Variants in PARD6G observed in about 807,000 individuals in gnomAD.
The protein encoded by PARD6G is partitioning defective 6 homolog gamma.
A neutral mutation model predicts 10.7 loss-of-function variants in PARD6G; 7 were observed. That is an observed-to-expected ratio of 0.66 (90% confidence interval 0.37 to 1.23). The LOEUF (loss-of-function observed/expected upper bound fraction) is 1.23, where lower values mean the gene tolerates loss of function less well. PARD6G is among the 50% of genes most tolerant of loss of function. PARD6G has a pLI of 0.02. For missense variants in PARD6G, 548 were observed against 571.8 expected (o/e 0.96, Z 0.42); for synonymous variants, 287 against 269.4 (o/e 1.07, Z -0.64).
intron 1 of PARD6G, among the ~76,000 whole-genome samples, chr18:80,215,834 A>G (rs780498875): frequency 6.6e-6 from 1 of 152,144 alleles, no homozygotes; most frequent in Non-Finnish European, 1.5e-5. Flanking sequence ...AATGGATTAA[A>G]ACACAAAACA....
chr18:80,165,582 T>A (rs2052730362), intron 2 of PARD6G, among the ~76,000 whole-genome samples: 1 of 152,012 alleles, frequency 6.6e-6, no homozygotes, highest in Admixed American at 6.6e-5. Flanking sequence ...CATAAGAAAT[T>A]ATAAAAGTAT....
At position 80,157,964 on chromosome 18, in the gene PARD6G, G is replaced by C. The variant is rs545399415; in HGVS notation, c.*1807C>G. The C allele has an allele frequency of 1.3e-5, 2 of 152,390 alleles. No individual in the cohort carries two copies. The highest frequency in any genetic ancestry group is 4.1e-4 in the South Asian group (2 of 4,822). The allele number at this position is 152,390 out of a possible 1,614,324, so 9.4% of individuals were successfully genotyped here. On this transcript the variant is annotated 3_prime_UTR_variant, in exon 3 of 3. Transcript: ENST00000353265. ...TGGACCACAAGGAGAAGCAGCGGGA[G>C]GTACGCAGCTCCGACAACCTAGAAA...
In PARD6G at chr18:80,247,201, G is replaced by T; in HGVS notation, c.72+76C>A. The T allele has an allele frequency of 8.0e-7, 1 of 1,247,474 alleles. No homozygotes were observed. The highest frequency in any genetic ancestry group is 1.1e-6 in the Non-Finnish European group (1 of 900,302). 77.3% of individuals were successfully genotyped at this position (1,247,474 alleles called of 1,614,324 possible). On this transcript the variant is annotated intron_variant, in intron 1 of 2. Transcript: ENST00000353265. The surrounding 1 kb of genome is among the most constrained non-coding windows in gnomAD (Gnocchi z 4.2). ...CGCCTGTCGCCTCCACGCCGCCCCAGTCCCCCTCCGCGGGGCGCCCCATTC... is the reference window on the plus strand; with the variant it reads ...CGCCTGTCGCCTCCACGCCGCCCCATTCCCCCTCCGCGGGGCGCCCCATTC...
intron 1 of PARD6G, among the ~76,000 whole-genome samples, chr18:80,225,863 G>A (rs1568441973): frequency 6.6e-6 from 1 of 152,084 alleles, no homozygotes; most frequent in Non-Finnish European, 1.5e-5. Flanking sequence ...AGAGGACAAG[G>A]AGATCAGAGC....
At chr18:80,165,215 G>A (rs2052727707) in intron 2 of PARD6G, among the ~76,000 whole-genome samples, 2 of 152,146 alleles carry the variant, frequency 1.3e-5, no homozygotes, top group African/African-American at 4.8e-5. Context: ...CATTCCCAGA[G>A]TGGCCATTTA....
At chr18:80,178,973 G>A (rs1203533994) in intron 2 of PARD6G, among the ~76,000 whole-genome samples, 3 of 152,220 alleles carry the variant, frequency 2.0e-5, no homozygotes, top group African/African-American at 7.2e-5. Context: ...CCTGCAGGGA[G>A]ACAGAGAAGG....
intron 2 of PARD6G, among the ~76,000 whole-genome samples, chr18:80,165,403 T>C (rs549196249): frequency 1.3e-5 from 2 of 152,354 alleles, no homozygotes; most frequent in South Asian, 4.1e-4. Flanking sequence ...TGTCTTCCCT[T>C]GTTCCCTAAA....
rs1050946664 is a variant in PARD6G at position 80,189,466 on chromosome 18, G to C, written c.295+13244C>G. On this transcript the variant is annotated intron_variant, in intron 2 of 2. Coordinates refer to ENST00000353265, the MANE Select transcript of PARD6G (RefSeq NM_032510.4). This position sits in a 1 kb window ranked among gnomAD's most constrained non-coding sequence, Gnocchi z 5.5. ...TAAGCCTTTCTAGCAGAGGATGCTA[G>C]GCAGTTGCTCCTGGGGCTCCTCAAG... The C allele has an allele frequency of 6.6e-6, 1 of 152,224 alleles. No homozygotes were observed. The highest frequency in any genetic ancestry group is 2.4e-5 in the African/African-American group (1 of 41,430). The allele number at this position is 152,224 out of a possible 1,614,324, so 9.4% of individuals were successfully genotyped here.
chr18:80,160,829 C>G (rs1308979673), intron 2 of PARD6G, among the ~76,000 whole-genome samples: 2 of 152,194 alleles, frequency 1.3e-5, no homozygotes, highest in Non-Finnish European at 1.5e-5. Context: ...GGCACCAAAC[C>G]AAAGAACTCA....
At position 80,183,270 on chromosome 18, in the gene PARD6G, T is replaced by A. The variant is rs1347984572; in HGVS notation, c.295+19440A>T. The A allele has an allele frequency of 2.9e-6, 2 of 682,490 alleles. No homozygotes were observed. The highest frequency in any genetic ancestry group is 2.7e-6 in the Non-Finnish European group (1 of 373,638). The allele number at this position is 682,490 out of a possible 1,614,324, so 42.3% of individuals were successfully genotyped here. A position where few individuals can be genotyped will look rare whatever the true frequency, so the allele number is the denominator to read the frequency against. On this transcript the variant is annotated intron_variant, in intron 2 of 2. Transcript: ENST00000353265. This position sits in a 1 kb window ranked among gnomAD's most constrained non-coding sequence, Gnocchi z 4.5. ...AGGCATGGAGAAGAGCAAAGCCGCATACAGGCATAGTGGAAAAGTACGCTG... is the reference window on the plus strand; with the variant it reads ...AGGCATGGAGAAGAGCAAAGCCGCAAACAGGCATAGTGGAAAAGTACGCTG...
chr18:80,158,280 A>ACGT lies in PARD6G; in HGVS notation c.*1488_*1490dup, dbSNP rs2052669248. ...CATGTATTGTGACTTACTAAAAGAA[A>ACGT]CGTCTGTTTCAGAAAACAAAGATGA... On this transcript the variant is annotated 3_prime_UTR_variant, in exon 3 of 3. Transcript: ENST00000353265. 1 of 152,352 alleles carries ACGT rather than the reference A, an allele frequency of 6.6e-6. No individual in the cohort carries two copies. Among genetic ancestry groups the ACGT allele is most frequent in the South Asian group, 2.1e-4 (1 of 4,834 alleles). 9.4% of individuals were successfully genotyped at this position (152,352 alleles called of 1,614,324 possible). A position where few individuals can be genotyped will look rare whatever the true frequency, so the allele number is the denominator to read the frequency against.
At chr18:80,195,544 GATACATATATATATATATAT>G (rs1966944063) in intron 2 of PARD6G, among the ~76,000 whole-genome samples, 4 of 23,686 alleles carry the variant, frequency 1.7e-4, no homozygotes. Flanking sequence ...AGTCTTCAAA[GATACATATATATATATATAT>G]ATATATATAC....
chr18:80,168,900 G>T (rs562338705), intron 2 of PARD6G: 1 of 162,224 alleles, frequency 6.2e-6, no homozygotes, highest in Non-Finnish European at 1.5e-5. Flanking sequence ...GATTTTCTAA[G>T]AAATATTTTC....
rs765770436 is a variant in PARD6G, at chr18:80,158,433, T to C, written c.*1338A>G. 1 of 152,214 alleles carries C rather than the reference T, an allele frequency of 6.6e-6. No individual in the cohort carries two copies. The highest frequency in any genetic ancestry group is 1.5e-5 in the Non-Finnish European group (1 of 68,054). The allele number at this position is 152,214 out of a possible 1,614,324, so 9.4% of individuals were successfully genotyped here. A position where few individuals can be genotyped will look rare whatever the true frequency, so the allele number is the denominator to read the frequency against. On this transcript the variant is annotated 3_prime_UTR_variant, in exon 3 of 3. Coordinates refer to ENST00000353265, the MANE Select transcript of PARD6G (RefSeq NM_032510.4). The stretch of plus-strand genomic sequence containing the variant: ...CAGTCAACCCACAGGAAAAGGGTCA[T>C]CTTAGAGGCAATAGAGGCTTACATC...
chr18:80,220,244 T>A (rs1234444472), intron 1 of PARD6G, among the ~76,000 whole-genome samples: 2 of 152,152 alleles, frequency 1.3e-5, no homozygotes, highest in Non-Finnish European at 2.9e-5. Flanking sequence ...GAACTCACTA[T>A]CACAAAAACA....
Position 80,159,736 on chromosome 18 carries a change from G to T in PARD6G, c.*35C>A, listed in dbSNP as rs1478297838. 5 of 1,367,436 alleles carry T rather than the reference G, an allele frequency of 3.7e-6. No individual in the cohort carries two copies. The highest frequency in any genetic ancestry group is 4.7e-6 in the Non-Finnish European group (5 of 1,059,182). The allele number at this position is 1,367,436 out of a possible 1,614,324, so 84.7% of individuals were successfully genotyped here. A position where few individuals can be genotyped will look rare whatever the true frequency, so the allele number is the denominator to read the frequency against. ...AGGTCCTGTCCCTGTCCTTACCGGG[G>T]AACTGGAGCTAGGATTTGGGGGCCT... On this transcript the variant is annotated 3_prime_UTR_variant, in exon 3 of 3. Coordinates refer to ENST00000353265, the MANE Select transcript of PARD6G (RefSeq NM_032510.4).
rs894269860 is a variant in PARD6G, at chr18:80,183,911, G to A, written c.295+18799C>T. ...AAACCACATGGACAGACACAACCCC[G>A]AATGCCAATTCCAGTGTCCTGTGCA... On this transcript the variant is annotated intron_variant, in intron 2 of 2. Transcript: ENST00000353265. This position sits in a 1 kb window ranked among gnomAD's most constrained non-coding sequence, Gnocchi z 4.5. 6.6e-6 allele frequency: 1 copy of A among 152,238 alleles called. No homozygotes were observed. The highest frequency in any genetic ancestry group is 1.9e-4 in the East Asian group (1 of 5,200). The allele number at this position is 152,238 out of a possible 1,614,324, so 9.4% of individuals were successfully genotyped here.
intron 1 of PARD6G, among the ~76,000 whole-genome samples, chr18:80,245,168 G>T (rs899629930): frequency 6.6e-6 from 1 of 152,208 alleles, no homozygotes; most frequent in Non-Finnish European, 1.5e-5. Flanking sequence ...GGAAGGCAGA[G>T]GCAGCCTCTG....
At chr18:80,160,754 A>G (rs181557875) in intron 2 of PARD6G, 148 bp from the exon 3 acceptor site, 21 of 793,918 alleles carry the variant, frequency 2.6e-5, no homozygotes, top group South Asian at 8.3e-5. Context: ...GGCTGAGCTG[A>G]AATCAGGCAA....
Sources: gnomAD v4.1 joint callset for allele counts (sites outside exome capture counted in the v4.1 genomes callset) on GRCh38, gnomAD v4.1.1 for gene constraint, Gnocchi (gnomAD v3.1) non-coding constraint, MANE v1.5 for transcripts, NCBI Gene and HGNC (gene_info 2026-07-23, HGNC 2026-07-21) for gene names.